ARHGAP35: variants seen among roughly 807,000 people sequenced by gnomAD.
The protein encoded by ARHGAP35 is Rho GTPase activating protein 35.
ARHGAP35 carries 15 observed loss-of-function variants against 111.1 expected under a neutral mutation model. That is an observed-to-expected ratio of 0.13 (90% confidence interval 0.09 to 0.21). The LOEUF is 0.21. Ranked by LOEUF, ARHGAP35 falls within the 10% of genes least tolerant of loss-of-function variation. ARHGAP35 has a pLI of 1.00. For missense variants in ARHGAP35, 1,262 were observed against 1,873.0 expected (o/e 0.67, Z 6.02); for synonymous variants, 643 against 710.3 (o/e 0.91, Z 1.51).
intron 1 of ARHGAP35, among the ~76,000 whole-genome samples, chr19:46,896,025 C>G: frequency 6.6e-6 from 1 of 152,008 alleles, no homozygotes; most frequent in East Asian, 1.9e-4. Flanking sequence ...TCGCTTAAAC[C>G]CAGGAAGCAG....
chr19:46,956,233 A>G (rs167473), intron 3 of ARHGAP35, among the ~76,000 whole-genome samples: 97,206 of 152,066 alleles, frequency 0.64, 31,842 homozygotes, highest in Middle Eastern at 0.82. Context: ...TGAGAGAATC[A>G]CTTGAGCCTG....
At chr19:46,979,606 A>G (rs1415731718) in intron 3 of ARHGAP35, among the ~76,000 whole-genome samples, 1 of 152,248 alleles carries the variant, frequency 6.6e-6, no homozygotes, top group Non-Finnish European at 1.5e-5. Context: ...AGGATCAGCC[A>G]GATGCTAGAG....
chr19:46,902,591 T>C (rs776539134), intron 1 of ARHGAP35, among the ~76,000 whole-genome samples: 5 of 152,164 alleles, frequency 3.3e-5, no homozygotes, highest in African/African-American at 4.8e-5. Flanking sequence ...AGCTGTACCT[T>C]GCTTGGCTTT....
In ARHGAP35 at chr19:46,942,815, C is replaced by CAAA. The variant is rs1241909711; in HGVS notation, c.3826+5408_3826+5409insAAA. Among the ~76,000 whole-genome samples, 96 of 42,044 alleles carry CAAA rather than the reference C, an allele frequency of 2.3e-3. 1 individual carries two copies. Among genetic ancestry groups the CAAA allele is most frequent in the African/African-American group, 8.0e-3 (79 of 9,916 alleles). 27.6% of individuals were successfully genotyped at this position (42,044 alleles called of 152,430 possible). A position where few individuals can be genotyped will look rare whatever the true frequency, so the allele number is the denominator to read the frequency against. On this transcript the variant is annotated intron_variant, in intron 3 of 6. Transcript: ENST00000672722. Reference sequence around the variant, plus strand: ...TGGGCAACAGAGCAAGACCCTGTCTCAGAAAAAAAAAAAAAAAAAAAAGGA... The same window carrying CAAA: ...TGGGCAACAGAGCAAGACCCTGTCTCAAAAGAAAAAAAAAAAAAAAAAAAAGGA...
At chr19:46,898,265 G>C (rs1424009841) in intron 1 of ARHGAP35, among the ~76,000 whole-genome samples, 3 of 149,368 alleles carry the variant, frequency 2.0e-5, no homozygotes, top group Non-Finnish European at 4.4e-5. Context: ...ACAAAAAGAA[G>C]TGCCCTCTGT....
rs1037343817 is a variant in ARHGAP35, at chr19:46,957,197, G to A, written c.3826+19789G>A. On this transcript the variant is annotated intron_variant, in intron 3 of 6. Coordinates refer to ENST00000672722, the MANE Select transcript of ARHGAP35 (RefSeq NM_004491.5). ...AGAATGGTCTCAAACTCCTGACCTC[G>A]TGATCCACCCGCCTCGGCCTCCCAA... Among the ~76,000 whole-genome samples the A allele has an allele frequency of 2.6e-5, 4 of 151,920 alleles. No homozygotes were observed. In the East Asian group the frequency reaches 5.9e-4, roughly 22 times the overall value.
At chr19:46,870,763 C>T (rs1414436685) in intron 1 of ARHGAP35, among the ~76,000 whole-genome samples, 1 of 151,942 alleles carries the variant, frequency 6.6e-6, no homozygotes, top group African/African-American at 2.4e-5. Context: ...GCAGCCTTAG[C>T]TAAAGTAGTT....
chr19:46,998,887 A>G (rs1042544644), intron 5 of ARHGAP35, among the ~76,000 whole-genome samples: 2 of 152,218 alleles, frequency 1.3e-5, no homozygotes, highest in Non-Finnish European at 2.9e-5. Context: ...CCCTCCCTCG[A>G]AGGCCTGTTG....
chr19:46,898,815 G>A (rs1166197004), intron 1 of ARHGAP35, among the ~76,000 whole-genome samples: 1 of 152,118 alleles, frequency 6.6e-6, no homozygotes, highest in Non-Finnish European at 1.5e-5. Flanking sequence ...TGCTGCTGTT[G>A]GAGCTGTATT....
chr19:46,903,797 T>G (rs2122170871), intron 1 of ARHGAP35, among the ~76,000 whole-genome samples: 1 of 152,370 alleles, frequency 6.6e-6, no homozygotes, highest in Middle Eastern at 3.4e-3. Context: ...AAGCTAGCAC[T>G]TTATAGAAAA....
intron 3 of ARHGAP35, among the ~76,000 whole-genome samples, chr19:46,965,079 G>A (rs1185349704): frequency 1.3e-5 from 2 of 152,162 alleles, no homozygotes; most frequent in Non-Finnish European, 2.9e-5. Flanking sequence ...TTGGGAGGCC[G>A]AGGCGGGCGG....
chr19:46,887,240 G>T (rs982271400), intron 1 of ARHGAP35, among the ~76,000 whole-genome samples: 2 of 152,138 alleles, frequency 1.3e-5, no homozygotes, highest in African/African-American at 2.4e-5. Flanking sequence ...TGATGAAAAT[G>T]ATAAAACCGT....
Position 47,000,722 on chromosome 19 carries a change from C to T in ARHGAP35, c.*34C>T, listed in dbSNP as rs2056743215. On this transcript the variant is annotated 3_prime_UTR_variant, in exon 7 of 7. Transcript: ENST00000672722. The surrounding 1 kb of genome is among the most constrained non-coding windows in gnomAD (Gnocchi z 6.9). ...GACCTGGGGCGACAGGAGAACCGGTCCTCTCTCTGACGGGGTGGCATTTGG... is the reference window on the plus strand; with the variant it reads ...GACCTGGGGCGACAGGAGAACCGGTTCTCTCTCTGACGGGGTGGCATTTGG... 6.5e-7 allele frequency: 1 copy of T among 1,535,336 alleles called. No homozygotes were observed. The highest frequency in any genetic ancestry group is 1.4e-5 in the African/African-American group (1 of 73,000).
At chr19:46,981,130 A>T (rs2056618313) in intron 3 of ARHGAP35, among the ~76,000 whole-genome samples, 1 of 152,216 alleles carries the variant, frequency 6.6e-6, no homozygotes, top group African/African-American at 2.4e-5. Context: ...GGTCCTCTTC[A>T]AGACCATTTG....
chr19:46,916,228 C>T (rs2056162834), intron 1 of ARHGAP35, among the ~76,000 whole-genome samples: 1 of 152,042 alleles, frequency 6.6e-6, no homozygotes, highest in Non-Finnish European at 1.5e-5. Flanking sequence ...GCCACCGCGC[C>T]CAGCGAAGGA....
intron 2 of ARHGAP35, among the ~76,000 whole-genome samples, chr19:46,933,137 CTTT>C: frequency 1.0e-5 from 1 of 99,544 alleles, no homozygotes; most frequent in Non-Finnish European, 1.9e-5. Context: ...AGTGTGCCTT[CTTT>C]TTTTTTTTTT....
At chr19:46,913,730 A>G (rs568299034) in intron 1 of ARHGAP35, among the ~76,000 whole-genome samples, 1 of 152,318 alleles carries the variant, frequency 6.6e-6, no homozygotes, top group African/African-American at 2.4e-5. Context: ...ATATCTCTGT[A>G]CAGCTCAAAG....
Position 46,989,730 on chromosome 19 carries a change from G to A in ARHGAP35, c.4036+55G>A. On this transcript the variant is annotated intron_variant, in intron 5 of 6. Transcript: ENST00000672722. This position sits in a 1 kb window ranked among gnomAD's most constrained non-coding sequence, Gnocchi z 5.3. ...ATTGAGGGAGAAAGGGCTTGGCACT[G>A]GAAGAATAGGTCCTGCCCTCAGAAT... The A allele has an allele frequency of 4.4e-6, 7 of 1,608,080 alleles. No individual in the cohort carries two copies. Among genetic ancestry groups the A allele is most frequent in the Non-Finnish European group, 5.1e-6 (6 of 1,177,370 alleles).
Position 46,920,143 on chromosome 19 carries a change from G to A in ARHGAP35, c.1468G>A (p.Glu490Lys). The change falls in exon 2 of 7, where the codon GAA (glutamate) becomes AAA (lysine). Residue 490 changes from glutamate to lysine, a missense_variant. This residue lies in a region of ARHGAP35 where 328 missense variants were observed against 440.8 expected (regional missense o/e 0.74). Transcript: ENST00000672722. The surrounding 1 kb of genome is among the most constrained non-coding windows in gnomAD (Gnocchi z 7.0). ...AAAGCAAATTATAGATAAAGCAAAGGAAGAATTTCAGGAGTTGCTTTTGGA... is the reference window on the plus strand; with the variant it reads ...AAAGCAAATTATAGATAAAGCAAAGAAAGAATTTCAGGAGTTGCTTTTGGA... ...HQKQIIDKAK[E>K]EFQELLLEYS... The A allele has an allele frequency of 6.2e-7, 1 of 1,613,944 alleles. No homozygotes were observed. Among genetic ancestry groups the A allele is most frequent in the Non-Finnish European group, 8.5e-7 (1 of 1,179,892 alleles).
Sources: gnomAD v4.1 joint callset for allele counts (sites outside exome capture counted in the v4.1 genomes callset) on GRCh38, gnomAD v4.1.1 for gene constraint, gnomAD v4.1.1 regional missense constraint, Gnocchi (gnomAD v3.1) non-coding constraint, MANE v1.5 for transcripts, NCBI Gene and HGNC (gene_info 2026-07-23, HGNC 2026-07-21) for gene names.